SBK1: variants seen among roughly 807,000 people sequenced by gnomAD.
The protein encoded by SBK1 is serine/threonine-protein kinase SBK1.
Under a neutral mutation model 24.4 loss-of-function variants are expected in SBK1, and 11 were observed. That is an observed-to-expected ratio of 0.45 (90% CI 0.28 to 0.75). The LOEUF (loss-of-function observed/expected upper bound fraction) is 0.75. SBK1 is among the 30% of genes least tolerant of loss of function. The pLI is 0.12. For missense variants in SBK1, 467 were observed against 620.5 expected (o/e 0.75, Z 2.63); for synonymous variants, 308 against 284.4 (o/e 1.08, Z -0.83).
intron 1 of SBK1, among the ~76,000 whole-genome samples, chr16:28,265,441 C>G (rs986687471): frequency 6.6e-6 from 1 of 151,342 alleles, no homozygotes; most frequent in African/African-American, 2.4e-5. Context: ...AAATACTAGC[C>G]GGGCATGGTG....
intron 1 of SBK1, among the ~76,000 whole-genome samples, chr16:28,272,841 C>T (rs949890262): frequency 2.6e-5 from 4 of 151,692 alleles, no homozygotes; most frequent in African/African-American, 7.3e-5. Flanking sequence ...AGGCTGGTCT[C>T]GAACTCCTGA....
chr16:28,291,476 G>T (rs1281293983), upstream of SBK1: 1 of 151,850 alleles, frequency 6.6e-6, no homozygotes, highest in Non-Finnish European at 1.5e-5. Flanking sequence ...CCTGCATGTT[G>T]TGCATATGTA....
upstream of SBK1, chr16:28,292,375 G>T (rs1193983851): frequency 1.9e-5 from 4 of 214,064 alleles, no homozygotes; most frequent in East Asian, 7.6e-4. Context: ...GCGGCGCGCG[G>T]CGGGAGGGCG....
chr16:28,302,454 CT>C (rs1454087089), intron 1 of SBK1, among the ~76,000 whole-genome samples: 1 of 152,214 alleles, frequency 6.6e-6, no homozygotes, highest in East Asian at 1.9e-4. Context: ...GGCCTCCACT[CT>C]GGGCAGGGTG....
At chr16:28,301,037 C>A (rs1469781971) in intron 1 of SBK1, among the ~76,000 whole-genome samples, 2 of 150,688 alleles carry the variant, frequency 1.3e-5, no homozygotes, top group Non-Finnish European at 2.9e-5. Flanking sequence ...TCACCAGAGA[C>A]CACCACTTGT....
At position 28,320,201 on chromosome 16, in the gene SBK1, C is replaced by G; in HGVS notation, c.555C>G (p.Arg185=). ...CCGAGAACGTGCTGCTGTTCGACCG[C>G]GAGTGCCGCCGCGTAAAGCTGGCCG... ...IKPENVLLFD[R]ECRRVKLADF... The change falls in exon 4 of 4, where the codon CGC becomes CGG. Residue 185 remains arginine, a synonymous_variant. Transcript: ENST00000341901. The surrounding 1 kb of genome is among the most constrained non-coding windows in gnomAD (Gnocchi z 8.5). 1.3e-6 allele frequency: 2 copies of G among 1,594,180 alleles called. No individual in the cohort carries two copies. Among genetic ancestry groups the G allele is most frequent in the Middle Eastern group, 1.8e-4 (1 of 5,578 alleles).
In SBK1 at chr16:28,273,531, G is replaced by A. The variant is rs1375181931; in HGVS notation, c.257+14029G>A. ...GAGCCACCATGCCCGGCCATAGGTT[G>A]TCTTTTCACTGTGTAGATTGTTTCT... On this transcript the variant is annotated intron_variant, in intron 1 of 3. Coordinates refer to the SBK1 transcript ENST00000671413. Among the ~76,000 whole-genome samples the A allele has an allele frequency of 2.0e-5, 3 of 151,932 alleles. No individual in the cohort carries two copies. The South Asian group carries it at 6.2e-4, about 32-fold the overall frequency.
chr16:28,280,149 A>ATATGTGTGTGTGTGTGTG (rs1230385223), intron 1 of SBK1, among the ~76,000 whole-genome samples: 7 of 39,404 alleles, frequency 1.8e-4, no homozygotes, highest in African/African-American at 2.5e-4. Flanking sequence ...ATATATATAT[A>ATATGTGTGTGTGTGTGTG]TGTGTGTGTG....
chr16:28,320,968 G>C lies in SBK1; in HGVS notation c.*47G>C, dbSNP rs1357293526. On this transcript the variant is annotated 3_prime_UTR_variant, in exon 4 of 4. Coordinates refer to ENST00000341901, the MANE Select transcript of SBK1 (RefSeq NM_001024401.3). The surrounding 1 kb of genome is among the most constrained non-coding windows in gnomAD (Gnocchi z 8.5). The stretch of plus-strand genomic sequence containing the variant: ...CCCGGGAGCAGCCCGGGCCCGCCCC[G>C]AGCCGGTGCCCGGTGCGGCGGTAGG... 4.8e-5 allele frequency: 64 copies of C among 1,346,086 alleles called. No individual in the cohort carries two copies. The highest frequency in any genetic ancestry group is 6.0e-5 in the Non-Finnish European group (63 of 1,053,674). 83.4% of individuals were successfully genotyped at this position (1,346,086 alleles called of 1,614,324 possible).
rs1396177572 is a variant in SBK1, at chr16:28,320,945, C to A, written c.*24C>A. 1 of 1,394,172 alleles carries A rather than the reference C, an allele frequency of 7.2e-7. No individual in the cohort carries two copies. Among genetic ancestry groups the A allele is most frequent in the Non-Finnish European group, 9.3e-7 (1 of 1,076,624 alleles). The allele number at this position is 1,394,172 out of a possible 1,614,324, so 86.4% of individuals were successfully genotyped here. A position where few individuals can be genotyped will look rare whatever the true frequency, so the allele number is the denominator to read the frequency against. On this transcript the variant is annotated 3_prime_UTR_variant, in exon 4 of 4. Transcript: ENST00000341901. The surrounding 1 kb of genome is among the most constrained non-coding windows in gnomAD (Gnocchi z 8.5). ...GAGTCGCCTCCGCCGCCCTCGGACC[C>A]GGGAGCAGCCCGGGCCCGCCCCGAG...
At chr16:28,269,583 A>T (rs1242599936) in intron 1 of SBK1, among the ~76,000 whole-genome samples, 1 of 151,262 alleles carries the variant, frequency 6.6e-6, no homozygotes, top group Non-Finnish European at 1.5e-5. Flanking sequence ...AAGGATAAAA[A>T]TAGGCTGGGT....
At chr16:28,297,089 G>T (rs1221972423) in intron 1 of SBK1, among the ~76,000 whole-genome samples, 1 of 152,150 alleles carries the variant, frequency 6.6e-6, no homozygotes, top group East Asian at 1.9e-4. Context: ...CACCACTTTG[G>T]GAGGCTGAGA....
At chr16:28,308,722 G>A (rs905660406) in intron 1 of SBK1, among the ~76,000 whole-genome samples, 3 of 149,990 alleles carry the variant, frequency 2.0e-5, no homozygotes, top group Admixed American at 6.7e-5. Context: ...ACAAGCTATC[G>A]TGCCTGGCGT....
chr16:28,310,745 C>T (rs1418235397), intron 1 of SBK1, among the ~76,000 whole-genome samples: 1 of 152,128 alleles, frequency 6.6e-6, no homozygotes, highest in Non-Finnish European at 1.5e-5. Context: ...TGCATTAGTC[C>T]TGAGAACGGC....
chr16:28,293,929 C>T (rs1415631078), intron 1 of SBK1, among the ~76,000 whole-genome samples: 9 of 152,116 alleles, frequency 5.9e-5, no homozygotes, highest in Admixed American at 5.9e-4. Context: ...GGAGTAAGTA[C>T]CCCCCAAAGT....
chr16:28,320,752 C>T lies in SBK1; in HGVS notation c.1106C>T (p.Ala369Val). The change falls in exon 4 of 4, where the codon GCC becomes GTC. Residue 369 changes from alanine to valine, a missense_variant. By Grantham distance (64) the Ala-to-Val change is moderately conservative (BLOSUM62 0). This residue lies in a region of SBK1 where 166 missense variants were observed against 146.8 expected (regional missense o/e 1.13). Transcript: ENST00000341901. This position sits in a 1 kb window ranked among gnomAD's most constrained non-coding sequence, Gnocchi z 8.5. ...AGCGGCTCCCGGCCCGCGCCCCCCG[C>T]CGTCGGGTCGGTGCCCTTGCCCGTG... is the stretch of plus-strand genomic sequence containing the variant. ...SGSGSRPAPP[A>V]VGSVPLPVPV... 1.6e-6 allele frequency: 2 copies of T among 1,267,140 alleles called. No homozygotes were observed. Among genetic ancestry groups the T allele is most frequent in the Admixed American group, 3.8e-5 (1 of 26,650 alleles). 78.5% of individuals were successfully genotyped at this position (1,267,140 alleles called of 1,614,324 possible).
chr16:28,293,723 A>AG (rs2044619038), intron 1 of SBK1, among the ~76,000 whole-genome samples: 1 of 150,924 alleles, frequency 6.6e-6, no homozygotes, highest in Non-Finnish European at 1.5e-5. Flanking sequence ...CCCACAGGTG[A>AG]GGGGGGCTGC....
intron 1 of SBK1, among the ~76,000 whole-genome samples, chr16:28,316,792 TA>T (rs2044799538): frequency 1.3e-5 from 2 of 152,146 alleles, no homozygotes; most frequent in Non-Finnish European, 2.9e-5. Context: ...GATGGGAGGA[TA>T]GCTTAAGCCT....
intron 1 of SBK1, among the ~76,000 whole-genome samples, chr16:28,284,119 T>C (rs2141569804): frequency 6.6e-6 from 1 of 152,354 alleles, no homozygotes; most frequent in Middle Eastern, 3.4e-3. Context: ...CGCTTGTCGC[T>C]GTCTTCCTGT....
Sources: gnomAD v4.1 joint callset for allele counts (sites outside exome capture counted in the v4.1 genomes callset) on GRCh38, gnomAD v4.1.1 for gene constraint, gnomAD v4.1.1 regional missense constraint, Gnocchi (gnomAD v3.1) non-coding constraint, MANE v1.5 for transcripts, NCBI Gene and HGNC (gene_info 2026-07-23, HGNC 2026-07-21) for gene names.